The following REC114 variants were observed in gnomAD, a reference collection of about 807,000 sequenced individuals.
REC114 encodes the protein REC114 meiotic recombination protein, also known as meiotic recombination protein REC114.
A neutral mutation model predicts 31.3 loss-of-function variants in REC114; 27 were observed. The observed-to-expected ratio is 0.86, with a 90% CI of 0.64 to 1.19. The LOEUF (loss-of-function observed/expected upper bound fraction) is 1.19, where lower values mean the gene tolerates loss of function less well. Ranked by LOEUF, REC114 falls within the 50% of genes most tolerant of loss-of-function variation. The pLI is 0.00. For synonymous variants in REC114, 134 were observed against 127.7 expected, an observed-to-expected ratio of 1.05 and a Z score of -0.33; for missense variants, 344 against 326.9, an observed-to-expected ratio of 1.05 and a Z score of -0.40.
chr15:73,518,659 T>C (rs540289830), intron 2 of REC114, among the ~76,000 whole-genome samples: 4 of 152,272 alleles, frequency 2.6e-5, no homozygotes, highest in Admixed American at 1.3e-4. Flanking sequence ...GGGCTCTGAA[T>C]AGGGGGAGGG....
chr15:73,531,907 C>G (rs1393678461), intron 2 of REC114, among the ~76,000 whole-genome samples: 1 of 152,118 alleles, frequency 6.6e-6, no homozygotes. Context: ...TTACTCTGTC[C>G]TGGACATTAA....
intron 1 of REC114, among the ~76,000 whole-genome samples, chr15:73,464,612 G>C (rs2151255456): frequency 6.6e-6 from 1 of 152,246 alleles, no homozygotes; most frequent in Admixed American, 6.5e-5. Context: ...GAAGTAGGAA[G>C]GATTGAGTTA....
intron 1 of REC114, among the ~76,000 whole-genome samples, chr15:73,468,138 A>AT (rs1378198166): frequency 6.6e-6 from 1 of 152,214 alleles, no homozygotes; most frequent in Non-Finnish European, 1.5e-5. Context: ...AAGATAACAT[A>AT]TTACAGGTTC....
rs117213955 is a variant in REC114, at chr15:73,465,327, C to T, written c.160-8505C>T. Among the ~76,000 whole-genome samples, 1,175 of 152,280 alleles carry T rather than the reference C, an allele frequency of 7.7e-3. 7 individuals are homozygous for T. Among genetic ancestry groups the T allele is most frequent in the Non-Finnish European group, 0.013 (853 of 68,014 alleles). On this transcript the variant is annotated intron_variant, in intron 1 of 5. Transcript: ENST00000331090. ...TGGAAGTTCTTAAAATGGATATTTT[C>T]TAACTATATGAGCACATTATGTAGA... is the stretch of plus-strand genomic sequence containing the variant.
intron 1 of REC114, among the ~76,000 whole-genome samples, chr15:73,455,976 T>G (rs1197625404): frequency 1.3e-5 from 2 of 152,214 alleles, no homozygotes; most frequent in African/African-American, 4.8e-5. Flanking sequence ...AATGAAATGA[T>G]AGCCATATAG....
At chr15:73,446,701 C>T (rs1392134964) in intron 1 of REC114, among the ~76,000 whole-genome samples, 1 of 151,820 alleles carries the variant, frequency 6.6e-6, no homozygotes, top group Non-Finnish European at 1.5e-5. Flanking sequence ...AAAACCTCAG[C>T]ATGTAATGTA....
intron 2 of REC114, among the ~76,000 whole-genome samples, chr15:73,513,236 T>G (rs1265183289): frequency 6.6e-5 from 10 of 151,018 alleles, no homozygotes; most frequent in Admixed American, 6.6e-5. Context: ...GTTGATCGCA[T>G]CGGCTCCTGA....
intron 4 of REC114, 127 bp downstream of exon 4, chr15:73,551,277 A>C (rs1033711394): frequency 1.4e-5 from 14 of 973,206 alleles, no homozygotes; most frequent in Admixed American, 2.5e-5. Context: ...ATGTTCGGTG[A>C]CTTTTTAAAA....
At chr15:73,443,952 G>A (rs1024417584) in intron 1 of REC114, among the ~76,000 whole-genome samples, 5 of 152,120 alleles carry the variant, frequency 3.3e-5, no homozygotes, top group African/African-American at 1.2e-4. Context: ...AGCAAGTTAC[G>A]ACCTTTTTGG....
chr15:73,459,098 G>A (rs1892954914), intron 1 of REC114, among the ~76,000 whole-genome samples: 1 of 152,106 alleles, frequency 6.6e-6, no homozygotes. Flanking sequence ...TTAATTGAAG[G>A]AATGAAGGCC....
intron 2 of REC114, among the ~76,000 whole-genome samples, chr15:73,508,294 G>C (rs190894452): frequency 6.6e-6 from 1 of 152,020 alleles, no homozygotes; most frequent in Non-Finnish European, 1.5e-5. Flanking sequence ...AATATATTGT[G>C]TGTTGATAAA....
intron 2 of REC114, among the ~76,000 whole-genome samples, chr15:73,505,509 A>C (rs1893664107): frequency 6.6e-6 from 1 of 150,958 alleles, no homozygotes. Context: ...TTTCTTATCC[A>C]ACATTCAACT....
chr15:73,445,744 C>T (rs1582742), intron 1 of REC114, among the ~76,000 whole-genome samples: 23,283 of 151,982 alleles, frequency 0.15, 2,665 homozygotes, highest in African/African-American at 0.32. Flanking sequence ...AATATACATA[C>T]CATTTATTAA....
intron 1 of REC114, among the ~76,000 whole-genome samples, chr15:73,450,583 G>T (rs1892830825): frequency 6.6e-6 from 1 of 152,170 alleles, no homozygotes; most frequent in East Asian, 1.9e-4. Context: ...CAATGAGACG[G>T]AAAATTAACA....
At chr15:73,479,689 G>A (rs1015340957) in intron 2 of REC114, among the ~76,000 whole-genome samples, 2 of 152,026 alleles carry the variant, frequency 1.3e-5, no homozygotes, top group African/African-American at 4.8e-5. Context: ...TAATTTTTGT[G>A]TGTGTCTGGC....
chr15:73,450,771 TC>T (rs1195980131), intron 1 of REC114, among the ~76,000 whole-genome samples: 1 of 152,124 alleles, frequency 6.6e-6, no homozygotes, highest in Non-Finnish European at 1.5e-5. Flanking sequence ...AGAACGGAAA[TC>T]ATAACAAACA....
chr15:73,518,161 G>A (rs569455380), intron 2 of REC114, among the ~76,000 whole-genome samples: 5 of 152,160 alleles, frequency 3.3e-5, no homozygotes, highest in African/African-American at 1.2e-4. Flanking sequence ...AATGAATTAC[G>A]TTTGCTATTA....
At chr15:73,544,264 T>G (rs1894280143) in intron 3 of REC114, among the ~76,000 whole-genome samples, 1 of 152,234 alleles carries the variant, frequency 6.6e-6, no homozygotes, top group Non-Finnish European at 1.5e-5. Flanking sequence ...TGACTTGATG[T>G]AATATGTTGA....
intron 2 of REC114, among the ~76,000 whole-genome samples, chr15:73,525,797 A>C (rs867270443): frequency 9.8e-5 from 15 of 152,300 alleles, no homozygotes; most frequent in South Asian, 2.1e-4. Context: ...TGTGCATTTG[A>C]AAATAATGTA....
Sources: gnomAD v4.1 joint callset for allele counts (sites outside exome capture counted in the v4.1 genomes callset) on GRCh38, gnomAD v4.1.1 for gene constraint, MANE v1.5 for transcripts, NCBI Gene and HGNC (gene_info 2026-07-23, HGNC 2026-07-21) for gene names.